Variants in SLITRK5 observed in about 807,000 individuals in gnomAD.
SLITRK5 encodes SLIT and NTRK-like protein 5.
In SLITRK5, 23 loss-of-function variants were observed where a neutral mutation model predicts 56.2. The observed-to-expected ratio is 0.41, with a 90% CI of 0.29 to 0.58. The LOEUF is 0.58. Among genes scored for constraint, SLITRK5 ranks in the 20% least tolerant of loss-of-function variants. The pLI, the probability that SLITRK5 is intolerant of heterozygous loss-of-function variation, is 0.30. For synonymous variants in SLITRK5, 637 were observed against 531.8 expected, an observed-to-expected ratio of 1.20 and a Z score of -2.72; for missense variants, 1,289 against 1,226.6, an observed-to-expected ratio of 1.05 and a Z score of -0.76.
rs758759816 is a variant in SLITRK5 at position 87,676,306 on chromosome 13, A to G, written c.918A>G (p.Leu306=). Residue 306 remains leucine, a synonymous_variant, in exon 2 of 2, where the codon TTA becomes TTG. Coordinates refer to ENST00000683689, the MANE Select transcript of SLITRK5 (RefSeq NM_001384609.1). The stretch of plus-strand genomic sequence containing the variant: ...CGCCTTTGAGCACCACGGGGTATTT[A>G]CACACCACCCCGGCGTCAGTGAATT... ...PQTPLSTTGY[L]HTTPASVNSV... 10 of 1,613,968 alleles carry G rather than the reference A, an allele frequency of 6.2e-6. No individual in the cohort carries two copies. The South Asian group carries it at 1.1e-4, about 18-fold the overall frequency.
At position 87,677,504 on chromosome 13, in the gene SLITRK5, G is replaced by A. The variant is rs754971208; in HGVS notation, c.2116G>A (p.Asp706Asn). 3.7e-6 allele frequency: 6 copies of A among 1,611,744 alleles called. No homozygotes were observed. The Admixed American group carries it at 6.7e-5, about 18-fold the overall frequency. ...CGACCACACCAGCACCAACAACTCC[G>A]ACGTGAGCTCCTTTAACATGCAGTA... ...QSDHTSTNNS[D>N]VSSFNMQYSV... is the part of the protein sequence containing the mutation. The change falls in exon 2 of 2, where the codon GAC (aspartate) becomes AAC (asparagine). Residue 706 changes from aspartate (D) to asparagine (N), a missense_variant. Asp to Asn is a conservative substitution (Grantham distance 23). Coordinates refer to ENST00000683689, the MANE Select transcript of SLITRK5 (RefSeq NM_001384609.1). This position sits in a 1 kb window ranked among gnomAD's most constrained non-coding sequence, Gnocchi z 4.7.
In SLITRK5 at chr13:87,671,884, A is replaced by G. The variant is rs1488505355; in HGVS notation, c.-334A>G. 6.6e-6 allele frequency among the ~76,000 whole-genome samples: 1 copy of G among 151,902 alleles called. No homozygotes were observed. The highest frequency in any genetic ancestry group is 1.5e-5 in the Non-Finnish European group (1 of 67,976). Reference sequence around the variant, plus strand: ...GCTGGGGGGCGGAGGACAGCGCAGGAGCTGCAGCCGCCGCCTTCGCTGGAG... The same window carrying G: ...GCTGGGGGGCGGAGGACAGCGCAGGGGCTGCAGCCGCCGCCTTCGCTGGAG... On this transcript the variant is annotated 5_prime_UTR_variant, in exon 1 of 2. Coordinates refer to ENST00000683689, the MANE Select transcript of SLITRK5 (RefSeq NM_001384609.1).
rs1304412357 is a variant in SLITRK5, at chr13:87,677,107, C to T, written c.1719C>T (p.Gly573=). ...NPWDCTCDIV[G]MKLWVEQLKV... The stretch of plus-strand genomic sequence containing the variant: ...GGGATTGTACCTGTGACATTGTGGG[C>T]ATGAAGCTGTGGGTGGAGCAGCTCA... The change falls in exon 2 of 2, where the codon GGC becomes GGT. Residue 573 remains glycine, a synonymous_variant. Coordinates refer to ENST00000683689, the MANE Select transcript of SLITRK5 (RefSeq NM_001384609.1). The surrounding 1 kb of genome is among the most constrained non-coding windows in gnomAD (Gnocchi z 4.7). 2 of 1,614,060 alleles carry T rather than the reference C, an allele frequency of 1.2e-6. No homozygotes were observed. Among genetic ancestry groups the T allele is most frequent in the African/African-American group, 2.7e-5 (2 of 74,944 alleles).
In SLITRK5 at chr13:87,677,437, G is replaced by C. The variant is rs756318025; in HGVS notation, c.2049G>C (p.Gly683=). The C allele has an allele frequency of 8.1e-6, 13 of 1,613,110 alleles. No homozygotes were observed. In the South Asian group the frequency reaches 1.3e-4, roughly 16 times the overall value. ...VFIMSVFVAA[G]LFVLVMKRRK... is the part of the protein sequence containing the mutation. ...TCATGTCCGTCTTCGTGGCCGCCGGGCTCTTCGTGCTGGTCATGAAGCGCA... is the reference window on the plus strand; with the variant it reads ...TCATGTCCGTCTTCGTGGCCGCCGGCCTCTTCGTGCTGGTCATGAAGCGCA... Residue 683 remains glycine (G), a synonymous_variant, in exon 2 of 2, where the codon GGG becomes GGC. Transcript: ENST00000683689. This position sits in a 1 kb window ranked among gnomAD's most constrained non-coding sequence, Gnocchi z 4.7.
chr13:87,678,447 T>G lies in SLITRK5; in HGVS notation c.*182T>G. 1.6e-6 allele frequency: 1 copy of G among 624,788 alleles called. No individual in the cohort carries two copies. The highest frequency in any genetic ancestry group is 2.2e-5 in the South Asian group (1 of 45,536). 38.7% of individuals were successfully genotyped at this position (624,788 alleles called of 1,614,324 possible). On this transcript the variant is annotated 3_prime_UTR_variant, in exon 2 of 2. Transcript: ENST00000683689. ...TGCAATTTCCTTTAAAATTTACACG[T>G]GGGAAACATTTGTGTAAACTGGGCA...
Position 87,677,694 on chromosome 13 carries a change from A to G in SLITRK5, c.2306A>G (p.Glu769Gly), listed in dbSNP as rs779637009. The G allele has an allele frequency of 6.2e-7, 1 of 1,605,666 alleles. No individual in the cohort carries two copies. The highest frequency in any genetic ancestry group is 1.1e-5 in the South Asian group (1 of 90,934). Residue 769 changes from glutamate to glycine, a missense_variant, in exon 2 of 2, where the codon GAG becomes GGG. Around this residue, in one of 3 missense-constraint regions of SLITRK5, gnomAD observed 985 missense variants for 906.0 expected, o/e 1.09. Coordinates refer to ENST00000683689, the MANE Select transcript of SLITRK5 (RefSeq NM_001384609.1). The surrounding 1 kb of genome is among the most constrained non-coding windows in gnomAD (Gnocchi z 4.7). ...AAAAACCCCATCTACCGCTCCCGAGAGGGCAACTCCGTAGAGGATTACAAA... is the reference window on the plus strand; with the variant it reads ...AAAAACCCCATCTACCGCTCCCGAGGGGGCAACTCCGTAGAGGATTACAAA... ...MCKNPIYRSR[E>G]GNSVEDYKDL...
At position 87,672,126 on chromosome 13, in the gene SLITRK5, A is replaced by AG; in HGVS notation, c.-89dup. Among the ~76,000 whole-genome samples, 1 of 151,842 alleles carries AG rather than the reference A, an allele frequency of 6.6e-6. No individual in the cohort carries two copies. The highest frequency in any genetic ancestry group is 2.0e-4 in the East Asian group (1 of 5,100). On this transcript the variant is annotated 5_prime_UTR_variant, in exon 1 of 2. It introduces an in-frame stop codon into an upstream open reading frame of the 5' UTR. Transcript: ENST00000683689. ...GCCGGCCGGCGCGAACCCAGGCCGG[A>AG]GGGTGCGAGGAGCCAGAGGAGGCTG...
chr13:87,677,333 C>G lies in SLITRK5; in HGVS notation c.1945C>G (p.Pro649Ala). The change falls in exon 2 of 2, where the codon CCC becomes GCC. Residue 649 changes from proline (P) to alanine (A), a missense_variant. Coordinates refer to ENST00000683689, the MANE Select transcript of SLITRK5 (RefSeq NM_001384609.1). This position sits in a 1 kb window ranked among gnomAD's most constrained non-coding sequence, Gnocchi z 4.7. The part of the protein sequence containing the change: ...PAVRLNSTGA[P>A]ASLGAGGGAS... ...GGTCCGGTTGAATAGCACCGGGGCCCCCGCGAGCTTGGGCGCAGGCGGAGG... is the reference window on the plus strand; with the variant it reads ...GGTCCGGTTGAATAGCACCGGGGCCGCCGCGAGCTTGGGCGCAGGCGGAGG... 6.2e-7 allele frequency: 1 copy of G among 1,614,130 alleles called. No homozygotes were observed. Among genetic ancestry groups the G allele is most frequent in the Non-Finnish European group, 8.5e-7 (1 of 1,180,024 alleles).
chr13:87,675,236 A>G (rs1021946057), intron 1 of SLITRK5, 145 bp from the exon 2 acceptor site: 4 of 614,644 alleles, frequency 6.5e-6, no homozygotes, highest in South Asian at 6.4e-5. Context: ...GAGAATGTCA[A>G]TGTTTCACTT....
Position 87,675,683 on chromosome 13 carries a change from A to G in SLITRK5, c.295A>G (p.Asn99Asp), listed in dbSNP as rs1189015423. The G allele has an allele frequency of 1.2e-6, 2 of 1,613,996 alleles. No individual in the cohort carries two copies. Among genetic ancestry groups the G allele is most frequent in the Admixed American group, 3.3e-5 (2 of 60,000 alleles). The change falls in exon 2 of 2, where the codon AAT becomes GAT. Residue 99 changes from asparagine to aspartate, a missense_variant. Asn to Asp is a conservative substitution (Grantham distance 23). Around this residue, in one of 3 missense-constraint regions of SLITRK5, gnomAD observed 291 missense variants for 286.7 expected, o/e 1.02. Coordinates refer to ENST00000683689, the MANE Select transcript of SLITRK5 (RefSeq NM_001384609.1). ...SGNLLNRLYPNEFVNYTGASI... is the reference protein window; with the variant it reads ...SGNLLNRLYPDEFVNYTGASI... ...AAACCTTTTGAACCGTCTCTATCCC[A>G]ATGAGTTTGTCAATTACACTGGGGC...
rs1342379412 is a variant in SLITRK5, at chr13:87,674,026, ACACAC to A, written c.-8-1354_-8-1350del. ...CACACAAACACACACACACACACAC[ACACAC>A]ACACACACACGCTCATTCCATTTAT... On this transcript the variant is annotated intron_variant, in intron 1 of 1. Transcript: ENST00000683689. 2.0e-5 allele frequency among the ~76,000 whole-genome samples: 3 copies of A among 151,718 alleles called. No individual in the cohort carries two copies. The East Asian group carries it at 5.9e-4, about 30-fold the overall frequency.
intron 1 of SLITRK5, among the ~76,000 whole-genome samples, chr13:87,674,942 C>A (rs1172333209): frequency 7.0e-6 from 1 of 142,132 alleles, no homozygotes; most frequent in African/African-American, 2.6e-5. Context: ...ACTGAAGAGG[C>A]TCTGAAAGAA....
In SLITRK5 at chr13:87,678,019, T is replaced by C. The variant is rs1877373477; in HGVS notation, c.2631T>C (p.Tyr877=). ...CCGCCGGCAATAGCCTCCCGGAATA[T>C]CCCAAATTCCCGTGCAGCCCCGCTG... ...TTPAGNSLPE[Y]PKFPCSPAAY... is the part of the protein sequence containing the mutation. Residue 877 remains tyrosine, a synonymous_variant, in exon 2 of 2, where the codon TAT becomes TAC. Coordinates refer to ENST00000683689, the MANE Select transcript of SLITRK5 (RefSeq NM_001384609.1). 1 of 1,613,926 alleles carries C rather than the reference T, an allele frequency of 6.2e-7. No individual in the cohort carries two copies. Among genetic ancestry groups the C allele is most frequent in the African/African-American group, 1.3e-5 (1 of 74,904 alleles).
Position 87,678,284 on chromosome 13 carries a change from G to C in SLITRK5, c.*19G>C. 1.3e-6 allele frequency: 2 copies of C among 1,570,862 alleles called. No homozygotes were observed. The highest frequency in any genetic ancestry group is 1.7e-6 in the Non-Finnish European group (2 of 1,157,526). On this transcript the variant is annotated 3_prime_UTR_variant, in exon 2 of 2. Transcript: ENST00000683689. Reference sequence around the variant, plus strand: ...GTTCTAAAAGCAAAGAAACTCTCTTGGAGCTTTTGCATTTAAAACAAACAA... The same window carrying C: ...GTTCTAAAAGCAAAGAAACTCTCTTCGAGCTTTTGCATTTAAAACAAACAA...
rs1271017645 is a variant in SLITRK5 at position 87,675,641 on chromosome 13, C to A, written c.253C>A (p.His85Asn). 1.2e-6 allele frequency: 2 copies of A among 1,614,070 alleles called. No homozygotes were observed. Among genetic ancestry groups the A allele is most frequent in the Admixed American group, 3.3e-5 (2 of 60,004 alleles). ...EISPPRFPIY[H>N]LLLSGNLLNR... The stretch of plus-strand genomic sequence containing the variant: ...TAGCCCTCCCCGTTTCCCAATCTAC[C>A]ACCTCTTGTTGTCCGGAAACCTTTT... Residue 85 changes from histidine to asparagine, a missense_variant, in exon 2 of 2, where the codon CAC becomes AAC. Around this residue, in one of 3 missense-constraint regions of SLITRK5, gnomAD observed 291 missense variants for 286.7 expected, o/e 1.02. Transcript: ENST00000683689.
chr13:87,677,695 G>C lies in SLITRK5; in HGVS notation c.2307G>C (p.Glu769Asp), dbSNP rs748537017. The C allele has an allele frequency of 6.2e-7, 1 of 1,606,640 alleles. No homozygotes were observed. Among genetic ancestry groups the C allele is most frequent in the South Asian group, 1.1e-5 (1 of 90,954 alleles). The change falls in exon 2 of 2, where the codon GAG becomes GAC. Residue 769 changes from glutamate (E) to aspartate (D), a missense_variant. By Grantham distance (45) the Glu-to-Asp change is conservative. Transcript: ENST00000683689. The surrounding 1 kb of genome is among the most constrained non-coding windows in gnomAD (Gnocchi z 4.7). The stretch of plus-strand genomic sequence containing the variant: ...AAAACCCCATCTACCGCTCCCGAGA[G>C]GGCAACTCCGTAGAGGATTACAAAG... ...MCKNPIYRSR[E>D]GNSVEDYKDL...
Position 87,675,396 on chromosome 13 carries a change from C to T in SLITRK5, c.8C>T (p.Thr3Ile). The T allele has an allele frequency of 6.2e-7, 1 of 1,613,530 alleles. No homozygotes were observed. Among genetic ancestry groups the T allele is most frequent in the Non-Finnish European group, 8.5e-7 (1 of 1,179,490 alleles). Residue 3 changes from threonine (T) to isoleucine (I), a missense_variant, in exon 2 of 2, where the codon ACT (threonine) becomes ATT (isoleucine). Physicochemically the swap from Thr to Ile is moderately conservative, Grantham distance 89. Transcript: ENST00000683689. Reference protein sequence around the residue: MHTCCPPVTLEQD... With the variant: MHICCPPVTLEQD... Reference sequence around the variant, plus strand: ...TCCCTTACAGGAGGTAAAATGCACACTTGCTGCCCCCCAGTAACTTTGGAA... The same window carrying T: ...TCCCTTACAGGAGGTAAAATGCACATTTGCTGCCCCCCAGTAACTTTGGAA...
Position 87,676,276 on chromosome 13 carries a change from G to A in SLITRK5, c.888G>A (p.Pro296=), listed in dbSNP as rs551991029. The change falls in exon 2 of 2, where the codon CCG becomes CCA. Residue 296 remains proline (P), a synonymous_variant. Transcript: ENST00000683689. The part of the protein sequence containing the change: ...RRLISDYEMR[P]QTPLSTTGYL... Reference sequence around the variant, plus strand: ...TTATTTCTGACTACGAGATGAGGCCGCAGACGCCTTTGAGCACCACGGGGT... The same window carrying A: ...TTATTTCTGACTACGAGATGAGGCCACAGACGCCTTTGAGCACCACGGGGT... 54 of 1,614,106 alleles carry A rather than the reference G, an allele frequency of 3.3e-5. No homozygotes were observed. Among genetic ancestry groups the A allele is most frequent in the South Asian group, 2.7e-4 (25 of 91,074 alleles).
chr13:87,677,608 G>A lies in SLITRK5; in HGVS notation c.2220G>A (p.Lys740=), dbSNP rs551235895. 6.2e-7 allele frequency: 1 copy of A among 1,609,970 alleles called. No individual in the cohort carries two copies. Among genetic ancestry groups the A allele is most frequent in the African/African-American group, 1.3e-5 (1 of 74,900 alleles). The change falls in exon 2 of 2, where the codon AAG becomes AAA. Residue 740 remains lysine (K), a synonymous_variant. Coordinates refer to ENST00000683689, the MANE Select transcript of SLITRK5 (RefSeq NM_001384609.1). The surrounding 1 kb of genome is among the most constrained non-coding windows in gnomAD (Gnocchi z 4.7). ...ATCACCGCGGGCCCGCGCTGCCCAA[G>A]GTGAAGACGCCCGCGGGCCACGTGT... is the stretch of plus-strand genomic sequence containing the variant. The part of the protein sequence containing the change: ...HVHHRGPALP[K]VKTPAGHVYE...
Sources: gnomAD v4.1 joint callset for allele counts (sites outside exome capture counted in the v4.1 genomes callset) on GRCh38, gnomAD v4.1.1 for gene constraint, gnomAD v4.1.1 regional missense constraint, Gnocchi (gnomAD v3.1) non-coding constraint, MANE v1.5 for transcripts, NCBI Gene and HGNC (gene_info 2026-07-23, HGNC 2026-07-21) for gene names.